Variants in DPP10 observed in about 807,000 individuals in gnomAD.
DPP10 encodes the protein inactive dipeptidyl peptidase 10.
A neutral mutation model predicts 120.9 loss-of-function variants in DPP10; 33 were observed. The observed-to-expected ratio is 0.27, with a 90% CI of 0.21 to 0.37. The LOEUF is 0.37. DPP10 is among the 10% of genes least tolerant of loss of function. The pLI is 1.00. For missense variants in DPP10, 816 were observed against 942.8 expected, an observed-to-expected ratio of 0.87 and a Z score of 1.76; for synonymous variants, 337 against 326.1, an observed-to-expected ratio of 1.03 and a Z score of -0.36.
chr2:114,555,416 C>T (rs1352832873), intron 1 of DPP10, among the ~76,000 whole-genome samples: 1 of 152,106 alleles, frequency 6.6e-6, no homozygotes, highest in Non-Finnish European at 1.5e-5. Flanking sequence ...AAAATAGGCA[C>T]ATAAAGAAAA....
At chr2:115,403,362 T>C (rs1188165969) in intron 3 of DPP10, among the ~76,000 whole-genome samples, 1 of 147,402 alleles carries the variant, frequency 6.8e-6, no homozygotes, top group Non-Finnish European at 1.5e-5. Flanking sequence ...TCACTACTTC[T>C]CTCTTTCTTT....
At chr2:114,871,453 T>A (rs1468534128) in intron 1 of DPP10, among the ~76,000 whole-genome samples, 1 of 152,146 alleles carries the variant, frequency 6.6e-6, no homozygotes, top group Non-Finnish European at 1.5e-5. Context: ...TAATTTGCCG[T>A]TACAAAAACT....
At chr2:115,541,126 C>A (rs2079145770) in intron 5 of DPP10, among the ~76,000 whole-genome samples, 1 of 151,732 alleles carries the variant, frequency 6.6e-6, no homozygotes, top group Non-Finnish European at 1.5e-5. Flanking sequence ...AATTTAAAAC[C>A]TATAATTAGG....
chr2:115,540,432 T>C (rs2079109000), intron 5 of DPP10, among the ~76,000 whole-genome samples: 1 of 151,856 alleles, frequency 6.6e-6, no homozygotes, highest in South Asian at 2.1e-4. Flanking sequence ...CTTTAATAAT[T>C]GAATAAGTGG....
intron 1 of DPP10, among the ~76,000 whole-genome samples, chr2:114,943,670 G>C (rs1270389195): frequency 2.6e-5 from 4 of 152,230 alleles, no homozygotes; most frequent in Non-Finnish European, 5.9e-5. Flanking sequence ...GCATACACCT[G>C]CACGTGTCTT....
At chr2:114,544,485 G>A (rs755466673) in intron 1 of DPP10, among the ~76,000 whole-genome samples, 26 of 152,168 alleles carry the variant, frequency 1.7e-4, no homozygotes, top group Non-Finnish European at 2.6e-4. Context: ...TAAAACACTT[G>A]GCTAAGGATG....
chr2:114,496,340 G>T (rs1001391140), intron 1 of DPP10, among the ~76,000 whole-genome samples: 2 of 152,144 alleles, frequency 1.3e-5, no homozygotes, highest in African/African-American at 2.4e-5. Context: ...TAATGAGAGT[G>T]TTGCTTATAC....
chr2:114,776,503 G>T (rs1681756293), intron 1 of DPP10, among the ~76,000 whole-genome samples: 1 of 152,122 alleles, frequency 6.6e-6, no homozygotes, highest in African/African-American at 2.4e-5. Flanking sequence ...CAGGCCATAA[G>T]CTCCTTAGGA....
chr2:115,476,443 C>T (rs1473477651), intron 3 of DPP10, among the ~76,000 whole-genome samples: 1 of 152,132 alleles, frequency 6.6e-6, no homozygotes, highest in African/African-American at 2.4e-5. Context: ...AACCTCTTTT[C>T]TTTACAAATC....
intron 7 of DPP10, among the ~76,000 whole-genome samples, chr2:115,719,872 A>G (rs1055850379): frequency 1.3e-5 from 2 of 152,190 alleles, no homozygotes; most frequent in African/African-American, 4.8e-5. Flanking sequence ...CATCGTTCAC[A>G]CTATTGAAAA....
intron 1 of DPP10, among the ~76,000 whole-genome samples, chr2:114,773,079 G>T (rs1681412713): frequency 6.6e-6 from 1 of 152,110 alleles, no homozygotes; most frequent in African/African-American, 2.4e-5. Context: ...GTCTAGTAAT[G>T]ATTACATTAG....
intron 1 of DPP10, among the ~76,000 whole-genome samples, chr2:114,777,643 A>G (rs1488998018): frequency 5.3e-5 from 8 of 152,094 alleles, no homozygotes; most frequent in Admixed American, 5.2e-4. Context: ...AGCTTAAGAA[A>G]TAAATATAAA....
At position 115,844,447 on chromosome 2, in the gene DPP10, C is replaced by A. The variant is rs1277453017; in HGVS notation, c.*2102C>A. 6.6e-6 allele frequency: 1 copy of A among 152,388 alleles called. No homozygotes were observed. 9.4% of individuals were successfully genotyped at this position (152,388 alleles called of 1,614,324 possible). ...AGTTTCTAATGTGAAAGACATTTTT[C>A]TGGAACCCGTTTTCCCCTTAAACAC... On this transcript the variant is annotated 3_prime_UTR_variant, in exon 26 of 26. Coordinates refer to ENST00000410059, the MANE Select transcript of DPP10 (RefSeq NM_020868.6).
At chr2:115,032,329 T>C (rs1703898677) in intron 1 of DPP10, among the ~76,000 whole-genome samples, 1 of 152,182 alleles carries the variant, frequency 6.6e-6, no homozygotes, top group Admixed American at 6.5e-5. Context: ...GAAATTTTAG[T>C]ATTACCCATC....
intron 1 of DPP10, among the ~76,000 whole-genome samples, chr2:115,293,383 G>A (rs2060743524): frequency 6.6e-6 from 1 of 152,104 alleles, no homozygotes; most frequent in Non-Finnish European, 1.5e-5. Flanking sequence ...GGAAATCAGA[G>A]TGGGCAAGAG....
At chr2:115,114,196 C>G (rs2049380383) in intron 1 of DPP10, among the ~76,000 whole-genome samples, 1 of 152,152 alleles carries the variant, frequency 6.6e-6, no homozygotes, top group Non-Finnish European at 1.5e-5. Context: ...TTTTATAAAA[C>G]CTCTAGCCTT....
At chr2:115,161,902 G>A in intron 1 of DPP10, 1 of 1,428,646 alleles carries the variant, frequency 7.0e-7, no homozygotes, top group Non-Finnish European at 9.1e-7. Context: ...CCAAGTGACG[G>A]TCCCCGAGTC....
chr2:114,635,820 C>A (rs550761739), intron 1 of DPP10, among the ~76,000 whole-genome samples: 1 of 151,852 alleles, frequency 6.6e-6, no homozygotes, highest in South Asian at 2.1e-4. Flanking sequence ...TTTAAAATAG[C>A]AACAATAAAA....
intron 3 of DPP10, among the ~76,000 whole-genome samples, chr2:115,411,392 T>C (rs1412062265): frequency 7.6e-6 from 1 of 131,694 alleles, no homozygotes; most frequent in African/African-American, 2.5e-5. Flanking sequence ...TGTTGAATGA[T>C]GGCTGCTCAA....
Sources: allele counts gnomAD v4.1 joint callset (sites outside exome capture counted in the v4.1 genomes callset), GRCh38; gene constraint gnomAD v4.1.1; transcripts MANE v1.5; gene names NCBI Gene and HGNC (gene_info 2026-07-23, HGNC 2026-07-21).